The following TOM1 variants were observed in gnomAD, a reference collection of about 807,000 sequenced individuals.
TOM1 encodes target of myb1 membrane trafficking protein.
Under a neutral mutation model 61.3 loss-of-function variants are expected in TOM1, and 38 were observed. The observed-to-expected ratio is 0.62, with a 90% CI of 0.48 to 0.81. The LOEUF (loss-of-function observed/expected upper bound fraction) is 0.81, where lower values mean the gene tolerates loss of function less well. Ranked by LOEUF, TOM1 falls within the 40% of genes least tolerant of loss-of-function variation. The pLI is 0.00. For synonymous variants in TOM1, 270 were observed against 268.8 expected (o/e 1.00, Z -0.04); for missense variants, 591 against 659.6 (o/e 0.90, Z 1.14).
At chr22:35,329,983 G>C (rs1928675935) in intron 7 of TOM1, among the ~76,000 whole-genome samples, 1 of 152,140 alleles carries the variant, frequency 6.6e-6, no homozygotes, top group African/African-American at 2.4e-5. Context: ...CCGTGCATTA[G>C]AGATGGCCTC....
chr22:35,342,642 G>C (rs1929961146), intron 12 of TOM1, among the ~76,000 whole-genome samples: 1 of 151,872 alleles, frequency 6.6e-6, no homozygotes, highest in East Asian at 1.9e-4. Flanking sequence ...TCCCAGAGCT[G>C]TTGTGGCTCA....
intron 2 of TOM1, among the ~76,000 whole-genome samples, chr22:35,320,902 A>G (rs1170175205): frequency 1.4e-5 from 2 of 144,768 alleles, no homozygotes; most frequent in Non-Finnish European, 3.0e-5. Context: ...GGATCACTTG[A>G]GCCCAGGAGT....
chr22:35,304,107 G>C (rs1926098725), intron 1 of TOM1, among the ~76,000 whole-genome samples: 1 of 152,186 alleles, frequency 6.6e-6, no homozygotes, highest in Non-Finnish European at 1.5e-5. Flanking sequence ...CCAAAAGTCA[G>C]TCTAAGAGAA....
chr22:35,299,812 G>GGCCCCCCCCCCC, upstream of TOM1: 1 of 1,233,292 alleles, frequency 8.1e-7, no homozygotes, highest in African/African-American at 1.5e-5. Context: ...GCTTCGCGGT[G>GGCCCCCCCCCCC]CCACCGCCCC....
chr22:35,312,369 G>A (rs190232140), intron 1 of TOM1, among the ~76,000 whole-genome samples: 13 of 152,232 alleles, frequency 8.5e-5, no homozygotes, highest in Admixed American at 7.2e-4. Flanking sequence ...TTTTGGAATT[G>A]TCAGTTGTGG....
At chr22:35,329,916 T>C (rs1266966585) in intron 7 of TOM1, among the ~76,000 whole-genome samples, 3 of 152,174 alleles carry the variant, frequency 2.0e-5, no homozygotes, top group East Asian at 3.9e-4. Flanking sequence ...CCGTGGAACC[T>C]TGAAGTCCAG....
chr22:35,305,380 G>A (rs1326733820), intron 1 of TOM1, among the ~76,000 whole-genome samples: 4 of 152,232 alleles, frequency 2.6e-5, no homozygotes, highest in Admixed American at 6.5e-5. Context: ...ACTGATGGCG[G>A]GCCAGGCACG....
intron 1 of TOM1, among the ~76,000 whole-genome samples, chr22:35,313,134 G>A (rs1283015164): frequency 6.6e-6 from 1 of 152,082 alleles, no homozygotes; most frequent in Non-Finnish European, 1.5e-5. Context: ...ATCACTTGAG[G>A]TCAGGAGTTC....
At chr22:35,339,821 G>A (rs1462165469) in intron 12 of TOM1, among the ~76,000 whole-genome samples, 1 of 151,476 alleles carries the variant, frequency 6.6e-6, no homozygotes, top group Non-Finnish European at 1.5e-5. Flanking sequence ...GGAGAATGGC[G>A]TGAACCCAGG....
chr22:35,337,704 G>A (rs151113735), intron 11 of TOM1, among the ~76,000 whole-genome samples: 195 of 152,352 alleles, frequency 1.3e-3, no homozygotes, highest in African/African-American at 3.8e-3. Context: ...GAAGCCTACA[G>A]TTAGACCAGC....
rs917837657 is a variant in TOM1, at chr22:35,345,886, C to T, written c.1284+102C>T. 19 of 1,235,514 alleles carry T rather than the reference C, an allele frequency of 1.5e-5. No homozygotes were observed. In the Admixed American group the frequency reaches 2.6e-4, roughly 17 times the overall value. 76.5% of individuals were successfully genotyped at this position (1,235,514 alleles called of 1,614,324 possible). A position where few individuals can be genotyped will look rare whatever the true frequency, so the allele number is the denominator to read the frequency against. On this transcript the variant is annotated intron_variant, in intron 13 of 14. Coordinates refer to ENST00000449058, the MANE Select transcript of TOM1 (RefSeq NM_005488.3). Reference sequence around the variant, plus strand: ...GGTAGACTTATATAGCATATAGCACCCTGAGAGCAGAGGGGCACACTTAAA... The same window carrying T: ...GGTAGACTTATATAGCATATAGCACTCTGAGAGCAGAGGGGCACACTTAAA...
chr22:35,304,474 G>A (rs138746), intron 1 of TOM1, among the ~76,000 whole-genome samples: 77,810 of 151,656 alleles, frequency 0.51, 22,746 homozygotes, highest in Non-Finnish European at 0.65. Flanking sequence ...GATCTGTTTT[G>A]TTTTTTGTTT....
chr22:35,314,379 A>G (rs1352670773), intron 1 of TOM1, among the ~76,000 whole-genome samples: 2 of 151,602 alleles, frequency 1.3e-5, no homozygotes, highest in African/African-American at 2.4e-5. Flanking sequence ...TCTGCCCACT[A>G]CTGCCTGCTG....
chr22:35,333,296 G>A (rs1601702614), intron 9 of TOM1, 108 bp from the exon 10 acceptor site: 5 of 1,043,726 alleles, frequency 4.8e-6, no homozygotes, highest in Non-Finnish European at 7.2e-6. Context: ...AGCTCCTGGG[G>A]CCCTGGTGAC....
chr22:35,340,611 G>A (rs1929792323), intron 12 of TOM1, among the ~76,000 whole-genome samples: 1 of 152,148 alleles, frequency 6.6e-6, no homozygotes, highest in African/African-American at 2.4e-5. Flanking sequence ...TCCGGGCATG[G>A]TGGCGCACAC....
At chr22:35,338,863 G>A (rs372827998) in intron 12 of TOM1, 75 bp downstream of exon 12, 280 of 1,380,320 alleles carry the variant, frequency 2.0e-4, no homozygotes, top group African/African-American at 4.4e-4. Context: ...ACTGGGTGCC[G>A]TTGTGGGCCA....
chr22:35,331,646 G>A (rs1030711549), intron 8 of TOM1, among the ~76,000 whole-genome samples: 1 of 152,196 alleles, frequency 6.6e-6, no homozygotes, highest in Non-Finnish European at 1.5e-5. Flanking sequence ...CACTTTGGGA[G>A]GCTGAGCCGG....
rs114302892 is a variant in TOM1 at position 35,335,411 on chromosome 22, G to T, written c.1148+963G>T. On this transcript the variant is annotated intron_variant, in intron 11 of 14. Coordinates refer to ENST00000449058, the MANE Select transcript of TOM1 (RefSeq NM_005488.3). Reference sequence around the variant, plus strand: ...CTTAGGGCTGCCCTGGCTGTTAGCTGTATCTTTCTTTAGTCTGGGCAGAGT... The same window carrying T: ...CTTAGGGCTGCCCTGGCTGTTAGCTTTATCTTTCTTTAGTCTGGGCAGAGT... Among the ~76,000 whole-genome samples the T allele has an allele frequency of 3.9e-3, 594 of 152,274 alleles. 4 individuals are homozygous for T. The highest frequency in any genetic ancestry group is 0.014 in the African/African-American group (581 of 41,544).
intron 1 of TOM1, among the ~76,000 whole-genome samples, chr22:35,309,277 C>T (rs1926609499): frequency 6.6e-6 from 1 of 152,148 alleles, no homozygotes; most frequent in Admixed American, 6.6e-5. Flanking sequence ...CTGGTAGGTG[C>T]TGGAGTCTGG....
Sources: allele counts gnomAD v4.1 joint callset (sites outside exome capture counted in the v4.1 genomes callset), GRCh38; gene constraint gnomAD v4.1.1; transcripts MANE v1.5; gene names NCBI Gene and HGNC (gene_info 2026-07-23, HGNC 2026-07-21).